The following ACAT2 variants were observed in gnomAD, a reference collection of about 807,000 sequenced individuals.
ACAT2 encodes the protein acetyl-CoA acetyltransferase, cytosolic.
Under a neutral mutation model 37.1 loss-of-function variants are expected in ACAT2, and 26 were observed. The observed-to-expected ratio is 0.70, with a 90% confidence interval of 0.51 to 0.97. The LOEUF (loss-of-function observed/expected upper bound fraction) is 0.97. ACAT2 is among the 50% of genes least tolerant of loss of function. The pLI, the probability that ACAT2 is intolerant of heterozygous loss-of-function variation, is 0.00. For missense variants in ACAT2, 468 were observed against 489.0 expected (o/e 0.96, Z 0.40); for synonymous variants, 156 against 163.6 (o/e 0.95, Z 0.35).
At chr6:159,772,148 C>T (rs1287546024) in intron 4 of ACAT2, among the ~76,000 whole-genome samples, 6 of 152,090 alleles carry the variant, frequency 3.9e-5, no homozygotes, top group Admixed American at 3.9e-4. Flanking sequence ...TTGCTTGAAC[C>T]TAAGAGGCGG....
intron 3 of ACAT2, 52 bp downstream of exon 3, chr6:159,767,238 A>T: frequency 6.3e-7 from 1 of 1,584,098 alleles, no homozygotes; most frequent in Non-Finnish European, 8.7e-7. Flanking sequence ...TGAGAAACTC[A>T]TGTCTATGCC....
Position 159,768,577 on chromosome 6 carries a change from C to T in ACAT2, c.439C>T (p.Leu147Phe). ...IGEMPLTDSILCDGLTDAFHN... is the reference protein window; with the variant it reads ...IGEMPLTDSIFCDGLTDAFHN... Reference sequence around the variant, plus strand: ...TGAGATGCCACTGACTGACAGTATACTCTGTGATGGTCTTACAGATGCATT... The same window carrying T: ...TGAGATGCCACTGACTGACAGTATATTCTGTGATGGTCTTACAGATGCATT... Residue 147 changes from leucine (L) to phenylalanine (F), a missense_variant, in exon 4 of 9, where the codon CTC becomes TTC. Transcript: ENST00000367048. 3 of 1,613,992 alleles carry T rather than the reference C, an allele frequency of 1.9e-6. No homozygotes were observed. Among genetic ancestry groups the T allele is most frequent in the Middle Eastern group, 3.3e-4 (2 of 6,060 alleles).
rs1390832645 is a variant in ACAT2 at position 159,762,938 on chromosome 6, A to G, written c.75A>G (p.Leu25=). The change falls in exon 2 of 9, where the codon TTA becomes TTG. Residue 25 remains leucine, a synonymous_variant. Transcript: ENST00000367048. The part of the protein sequence containing the change: ...RTIIGSFNGA[L]AAVPVQDLGS... ...TTGTAGGTTCCTTCAATGGTGCCTTAGCTGCTGTTCCTGTCCAGGACCTGG... is the reference window on the plus strand; with the variant it reads ...TTGTAGGTTCCTTCAATGGTGCCTTGGCTGCTGTTCCTGTCCAGGACCTGG... 1.2e-6 allele frequency: 2 copies of G among 1,613,178 alleles called. No homozygotes were observed. Among genetic ancestry groups the G allele is most frequent in the African/African-American group, 2.7e-5 (2 of 74,846 alleles).
At position 159,778,767 on chromosome 6, in the gene ACAT2, G is replaced by C; in HGVS notation, c.1132G>C (p.Gly378Arg). 6.2e-7 allele frequency: 1 copy of C among 1,614,224 alleles called. No homozygotes were observed. Among genetic ancestry groups the C allele is most frequent in the South Asian group, 1.1e-5 (1 of 91,090 alleles). The change falls in exon 9 of 9, where the codon GGT becomes CGT. Residue 378 changes from glycine to arginine, a missense_variant. Transcript: ENST00000367048. ...HTLERMGRSR[G>R]VAALCIGGGM... is the part of the protein sequence containing the mutation. ...ACTGGAGAGAATGGGCAGAAGTCGT[G>C]GTGTTGCAGCCCTGTGCATTGGGGG...
intron 6 of ACAT2, 94 bp downstream of exon 6, chr6:159,776,366 T>A: frequency 7.1e-7 from 1 of 1,415,870 alleles, no homozygotes; most frequent in South Asian, 1.4e-5. Flanking sequence ...AAAAGTACTA[T>A]TTTTTGGGAC....
chr6:159,771,548 G>A (rs575435685), intron 4 of ACAT2, among the ~76,000 whole-genome samples: 4 of 151,224 alleles, frequency 2.6e-5, no homozygotes, highest in African/African-American at 9.7e-5. Context: ...CAAAGACCAA[G>A]ATAGACAAGG....
intron 2 of ACAT2, among the ~76,000 whole-genome samples, chr6:159,765,663 C>A (rs979927795): frequency 2.0e-5 from 2 of 100,404 alleles, no homozygotes; most frequent in African/African-American, 3.7e-5. Flanking sequence ...AACTCCTGAC[C>A]TCAAGTAATG....
chr6:159,768,078 C>G (rs1210409094), intron 3 of ACAT2, among the ~76,000 whole-genome samples: 1 of 152,216 alleles, frequency 6.6e-6, no homozygotes, highest in Admixed American at 6.5e-5. Context: ...GGCCGCTACT[C>G]AGAAATCCCT....
At chr6:159,776,507 CCACCA>C (rs1436927760) in intron 6 of ACAT2, among the ~76,000 whole-genome samples, 1 of 152,166 alleles carries the variant, frequency 6.6e-6, no homozygotes, top group East Asian at 1.9e-4. Flanking sequence ...CAGGCATGAG[CCACCA>C]CACCCAACTC....
intron 4 of ACAT2, among the ~76,000 whole-genome samples, chr6:159,772,762 G>A (rs1185389771): frequency 6.6e-6 from 1 of 151,108 alleles, no homozygotes; most frequent in Non-Finnish European, 1.5e-5. Flanking sequence ...TTGCCTGTTA[G>A]TAGCTGCTGC....
chr6:159,778,924 A>G lies in ACAT2; in HGVS notation c.*95A>G. Reference sequence around the variant, plus strand: ...TCAGAGGACCAAAGTACAGATGGAAACCATTTCCTACATCACAAAAACCCA... The same window carrying G: ...TCAGAGGACCAAAGTACAGATGGAAGCCATTTCCTACATCACAAAAACCCA... On this transcript the variant is annotated 3_prime_UTR_variant, in exon 9 of 9. Transcript: ENST00000367048. 1.3e-6 allele frequency: 2 copies of G among 1,569,786 alleles called. No individual in the cohort carries two copies. The highest frequency in any genetic ancestry group is 1.7e-6 in the Non-Finnish European group (2 of 1,153,560).
At chr6:159,771,470 T>A (rs2114980999) in intron 4 of ACAT2, among the ~76,000 whole-genome samples, 1 of 151,906 alleles carries the variant, frequency 6.6e-6, no homozygotes, top group South Asian at 2.1e-4. Flanking sequence ...ATCTCATACA[T>A]AAGGAAGAGA....
chr6:159,765,651 C>CA (rs1486240423), intron 2 of ACAT2, among the ~76,000 whole-genome samples: 1 of 136,544 alleles, frequency 7.3e-6, no homozygotes, highest in Admixed American at 7.9e-5. Flanking sequence ...AGGCTGGTCT[C>CA]AAACTCCTGA....
intron 2 of ACAT2, among the ~76,000 whole-genome samples, chr6:159,763,612 C>CACTGCCTT (rs1386125555): frequency 6.7e-6 from 1 of 148,310 alleles, no homozygotes; most frequent in Non-Finnish European, 1.5e-5. Flanking sequence ...ACACCACCTA[C>CACTGCCTT]ACTGCCTTTT....
At chr6:159,762,378 C>T in intron 1 of ACAT2, 2 of 1,369,092 alleles carry the variant, frequency 1.5e-6, no homozygotes, top group Non-Finnish European at 9.5e-7. Context: ...TGGATTGGCT[C>T]CCGGGGTAGA....
chr6:159,778,144 CTCTTT>C, intron 7 of ACAT2, 21 bp from the exon 8 acceptor site: 1 of 1,526,204 alleles, frequency 6.6e-7, no homozygotes, highest in South Asian at 1.1e-5. Context: ...AAGTTTAGAC[CTCTTT>C]TCTATGAATC....
At chr6:159,767,380 G>A (rs558027469) in intron 3 of ACAT2, among the ~76,000 whole-genome samples, 194 bp downstream of exon 3, 70 of 152,178 alleles carry the variant, frequency 4.6e-4, no homozygotes, top group Non-Finnish European at 8.4e-4. Context: ...TTGATAAGAA[G>A]TTTATCAACC....
At chr6:159,771,669 A>C (rs540209645) in intron 4 of ACAT2, among the ~76,000 whole-genome samples, 22 of 151,110 alleles carry the variant, frequency 1.5e-4, no homozygotes, top group African/African-American at 3.4e-4. Flanking sequence ...AAAAAACAAG[A>C]GTGAAAGTGA....
At chr6:159,763,507 G>A (rs1325778500) in intron 2 of ACAT2, among the ~76,000 whole-genome samples, 1 of 151,920 alleles carries the variant, frequency 6.6e-6, no homozygotes, top group Admixed American at 6.6e-5. Flanking sequence ...ACTGCACTCC[G>A]TCATGGGTGA....
Sources: gnomAD v4.1 joint callset for allele counts (sites outside exome capture counted in the v4.1 genomes callset) on GRCh38, gnomAD v4.1.1 for gene constraint, MANE v1.5 for transcripts, NCBI Gene and HGNC (gene_info 2026-07-23, HGNC 2026-07-21) for gene names.